ELF4: variants seen among roughly 807,000 people sequenced by gnomAD.
ELF4 encodes E74 like ETS transcription factor 4, also known as ETS-related transcription factor Elf-4.
In ELF4, 10 loss-of-function variants were observed where a neutral mutation model predicts 31.7. The observed-to-expected ratio is 0.32, with a 90% CI of 0.19 to 0.54. The LOEUF is 0.54. Ranked by LOEUF, ELF4 falls within the 20% of genes least tolerant of loss-of-function variation. The pLI is 0.95. For synonymous variants in ELF4, 208 were observed against 226.7 expected (o/e 0.92, Z 0.74); for missense variants, 418 against 522.0 (o/e 0.80, Z 1.94).
At chrX:130,074,520 G>C (rs1291147687) in intron 3 of ELF4, 61 bp downstream of exon 3, 3 of 1,200,844 alleles carry the variant, frequency 2.5e-6, no homozygotes, top group Non-Finnish European at 2.3e-6. Flanking sequence ...GTGGGCTGCT[G>C]TTCCCTAAAG....
chrX:130,092,008 A>G (rs370501552), intron 1 of ELF4, among the ~76,000 whole-genome samples: 1 of 110,170 alleles, frequency 9.1e-6, no homozygotes, highest in Non-Finnish European at 1.9e-5. Context: ...GCCCTGCCCC[A>G]CCCTTCCCGT....
intron 2 of ELF4, among the ~76,000 whole-genome samples, chrX:130,078,929 A>G (rs1056541489): frequency 1.2e-4 from 13 of 110,572 alleles, no homozygotes; most frequent in African/African-American, 4.3e-4. Context: ...ACTGCACTCC[A>G]TCCTGGGTGA....
chrX:130,097,772 C>T (rs763691851), intron 1 of ELF4, among the ~76,000 whole-genome samples: 1 of 112,989 alleles, frequency 8.9e-6, no homozygotes, highest in Non-Finnish European at 1.9e-5. Flanking sequence ...CTTGGGCTGG[C>T]GCCCAGGCCA....
At chrX:130,085,892 C>T (rs1266181099) in intron 1 of ELF4, among the ~76,000 whole-genome samples, 1 of 112,073 alleles carries the variant, frequency 8.9e-6, no homozygotes, top group African/African-American at 3.2e-5. Flanking sequence ...AAAAACAGCC[C>T]GTCCTCAGGC....
At chrX:130,109,275 TACCTCCCC>T (rs1365108559) in intron 1 of ELF4, among the ~76,000 whole-genome samples, 1 of 112,191 alleles carries the variant, frequency 8.9e-6, no homozygotes, top group Non-Finnish European at 1.9e-5. Context: ...CTTCCGCTCC[TACCTCCCC>T]ACCTCCCCAG....
In ELF4 at chrX:130,107,257, G is replaced by A. The variant is rs187800808; in HGVS notation, c.-210+3068C>T. On this transcript the variant is annotated intron_variant, in intron 1 of 8. Transcript: ENST00000308167. ...TGGGCCACTGCACTCCAGCCTGGGC[G>A]ACAGAGCAAGACTCCATCTCAAAAA... Among the ~76,000 whole-genome samples the A allele has an allele frequency of 2.1e-4, 23 of 109,742 alleles. No homozygotes were observed. The Middle Eastern group carries it at 0.014, about 67-fold the overall frequency.
chrX:130,088,321 A>C (rs1204100481), intron 1 of ELF4, among the ~76,000 whole-genome samples: 1 of 111,196 alleles, frequency 9.0e-6, no homozygotes, highest in East Asian at 2.8e-4. Context: ...CAGGAGGTGA[A>C]TCCCAGAGCC....
chrX:130,065,475 T>C lies in ELF4; in HGVS notation c.*1246A>G, dbSNP rs769631248. The C allele has an allele frequency of 2.3e-5, 4 of 174,016 alleles. No homozygotes were observed. The highest frequency in any genetic ancestry group is 4.4e-5 in the Non-Finnish European group (4 of 91,285). 14.3% of individuals were successfully genotyped at this position (174,016 alleles called of 1,213,427 possible). A position where few individuals can be genotyped will look rare whatever the true frequency, so the allele number is the denominator to read the frequency against. ...GTGTGAAAGTGGGAGATGAGGGGCA[T>C]TGGTACACCCAAGGAGGTCTGCTGC... On this transcript the variant is annotated 3_prime_UTR_variant, in exon 9 of 9. Transcript: ENST00000308167.
intron 1 of ELF4, among the ~76,000 whole-genome samples, chrX:130,081,907 G>T (rs934552756): frequency 8.9e-6 from 1 of 111,984 alleles, no homozygotes; most frequent in African/African-American, 3.2e-5. Flanking sequence ...CCACCCTGAA[G>T]ACTAATCCCC....
intron 1 of ELF4, among the ~76,000 whole-genome samples, chrX:130,108,319 A>G (rs11796867): frequency 0.044 from 4,923 of 111,178 alleles, 122 homozygotes; most frequent in South Asian, 0.13. Context: ...AAAAAACAAA[A>G]ACCAAAAAAA....
At chrX:130,085,320 C>T (rs1043463450) in intron 1 of ELF4, among the ~76,000 whole-genome samples, 3 of 111,847 alleles carry the variant, frequency 2.7e-5, no homozygotes, top group Admixed American at 9.5e-5. Context: ...CAGGCAAAGG[C>T]GCCGACCTCC....
At chrX:130,088,778 T>C (rs1479319723) in intron 1 of ELF4, among the ~76,000 whole-genome samples, 1 of 112,181 alleles carries the variant, frequency 8.9e-6, no homozygotes, top group African/African-American at 3.2e-5. Flanking sequence ...GCTGGGATAA[T>C]CTATGTTGGT....
intron 7 of ELF4, among the ~76,000 whole-genome samples, chrX:130,070,729 G>GCCA (rs1297626306): frequency 1.1e-5 from 1 of 92,260 alleles, no homozygotes; most frequent in East Asian, 3.5e-4. Context: ...CCGAGATTGC[G>GCCA]CCACTGCATT....
At chrX:130,068,855 T>C in intron 8 of ELF4, among the ~76,000 whole-genome samples, 1 of 112,531 alleles carries the variant, frequency 8.9e-6, no homozygotes, top group Non-Finnish European at 1.9e-5. Flanking sequence ...GACCAACAAG[T>C]GCCCTACTGG....
chrX:130,085,827 C>A (rs1347024083), intron 1 of ELF4, among the ~76,000 whole-genome samples: 1 of 111,747 alleles, frequency 8.9e-6, no homozygotes. Context: ...ACACCCCTCC[C>A]CCACAACCAC....
chrX:130,106,876 G>T (rs1244273686), intron 1 of ELF4, among the ~76,000 whole-genome samples: 1 of 111,114 alleles, frequency 9.0e-6, no homozygotes, highest in Non-Finnish European at 1.9e-5. Context: ...CCCTTCCACT[G>T]CAGGGGGCTA....
chrX:130,074,471 T>C, intron 3 of ELF4, 110 bp downstream of exon 3: 1 of 1,053,565 alleles, frequency 9.5e-7, no homozygotes, highest in Non-Finnish European at 1.3e-6. Context: ...TTTTGGCTGG[T>C]GGACTTGCCC....
intron 1 of ELF4, among the ~76,000 whole-genome samples, chrX:130,087,325 C>T (rs962467734): frequency 1.8e-5 from 2 of 112,539 alleles, no homozygotes; most frequent in Admixed American, 9.4e-5. Context: ...CTAAGATCAT[C>T]GGCTTTCCAG....
chrX:130,111,041 T>C (rs1376040880), upstream of ELF4, among the ~76,000 whole-genome samples: 1 of 99,680 alleles, frequency 1.0e-5, no homozygotes, highest in Non-Finnish European at 2.1e-5. Context: ...ACGAGGCATC[T>C]CGGTGGAAAC....
Sources: allele counts gnomAD v4.1 joint callset (sites outside exome capture counted in the v4.1 genomes callset), GRCh38; gene constraint gnomAD v4.1.1; transcripts MANE v1.5; gene names NCBI Gene and HGNC (gene_info 2026-07-23, HGNC 2026-07-21).